Variants in DPP6 observed in about 807,000 individuals in gnomAD.
DPP6 encodes A-type potassium channel modulatory protein DPP6.
Under a neutral mutation model 122.6 loss-of-function variants are expected in DPP6, and 69 were observed. The observed-to-expected ratio is 0.56, with a 90% CI of 0.46 to 0.69. The LOEUF is 0.69. Among genes scored for constraint, DPP6 ranks in the 30% least tolerant of loss-of-function variants. The pLI, the probability that DPP6 is intolerant of heterozygous loss-of-function variation, is 0.00. For missense variants in DPP6, 928 were observed against 1,116.9 expected (o/e 0.83, Z 2.41); for synonymous variants, 418 against 433.1 (o/e 0.97, Z 0.43).
At chr7:154,308,628 G>A (rs1262930285) in intron 1 of DPP6, among the ~76,000 whole-genome samples, 1 of 152,176 alleles carries the variant, frequency 6.6e-6, no homozygotes, top group African/African-American at 2.4e-5. Context: ...GGGAAGCCTG[G>A]TGAGGGACCC....
chr7:154,206,860 A>G (rs1194801023), intron 1 of DPP6, among the ~76,000 whole-genome samples: 2 of 152,212 alleles, frequency 1.3e-5, no homozygotes, highest in South Asian at 2.1e-4. Flanking sequence ...ACCTGCATAC[A>G]TTATTTTTAA....
At chr7:154,778,655 A>G (rs559479565) in intron 10 of DPP6, among the ~76,000 whole-genome samples, 229 of 145,344 alleles carry the variant, frequency 1.6e-3, no homozygotes, top group African/African-American at 5.3e-3. Context: ...CACCACCACA[A>G]CCTCTACAAC....
At chr7:154,060,297 C>T (rs1353596935) in intron 1 of DPP6, among the ~76,000 whole-genome samples, 1 of 134,656 alleles carries the variant, frequency 7.4e-6, no homozygotes, top group Non-Finnish European at 1.6e-5. Context: ...AATCCCTCTT[C>T]CCCCCCTGGC....
At chr7:154,290,896 T>A (rs183364585) in intron 1 of DPP6, among the ~76,000 whole-genome samples, 46 of 152,288 alleles carry the variant, frequency 3.0e-4, no homozygotes, top group African/African-American at 9.9e-4. Context: ...CTGTCCCATA[T>A]GGATAGACCT....
chr7:154,535,455 G>A (rs1828168786), intron 3 of DPP6, among the ~76,000 whole-genome samples: 1 of 151,242 alleles, frequency 6.6e-6, no homozygotes, highest in African/African-American at 2.4e-5. Flanking sequence ...TTGTTACATA[G>A]GTATACACAT....
chr7:154,699,399 G>C (rs1264959506), intron 7 of DPP6, among the ~76,000 whole-genome samples: 1 of 152,218 alleles, frequency 6.6e-6, no homozygotes, highest in Non-Finnish European at 1.5e-5. Flanking sequence ...AAAAAGATTT[G>C]TGGAGTGAGA....
chr7:153,877,128 CAAAA>C, the DPP6 span, among the ~76,000 whole-genome samples: 1 of 151,146 alleles, frequency 6.6e-6, no homozygotes, highest in East Asian at 1.9e-4. Context: ...AAAACTAAAA[CAAAA>C]AAAACCCTTT....
intron 1 of DPP6, among the ~76,000 whole-genome samples, chr7:154,108,801 G>A (rs933575951): frequency 2.0e-5 from 3 of 152,174 alleles, no homozygotes; most frequent in Admixed American, 6.5e-5. Context: ...TGAAATATAC[G>A]TTACCACCAA....
intron 17 of DPP6, among the ~76,000 whole-genome samples, chr7:154,857,755 G>C (rs115487342): frequency 0.015 from 2,212 of 152,286 alleles, 56 homozygotes; most frequent in African/African-American, 0.051. Flanking sequence ...AGTGGATGAA[G>C]GGTCCACAGC....
chr7:154,005,360 G>A (rs1797868642), intron 1 of DPP6, among the ~76,000 whole-genome samples: 1 of 152,116 alleles, frequency 6.6e-6, no homozygotes, highest in Non-Finnish European at 1.5e-5. Flanking sequence ...AACTTTAGCA[G>A]GTTCCACTAG....
chr7:154,631,233 G>A (rs976360168), intron 5 of DPP6, among the ~76,000 whole-genome samples: 7 of 152,180 alleles, frequency 4.6e-5, no homozygotes. Context: ...CCTTCCATTC[G>A]GGTCTGCAGC....
At chr7:154,399,456 C>T (rs1440018056) in intron 1 of DPP6, among the ~76,000 whole-genome samples, 1 of 152,172 alleles carries the variant, frequency 6.6e-6, no homozygotes, top group Admixed American at 6.5e-5. Flanking sequence ...ATCTTACCTA[C>T]ACGGTTAACC....
intron 1 of DPP6, among the ~76,000 whole-genome samples, chr7:154,232,615 C>A (rs1204555318): frequency 2.6e-5 from 4 of 152,188 alleles, no homozygotes; most frequent in Non-Finnish European, 5.9e-5. Flanking sequence ...GGACACTGGG[C>A]AGCTCATCCC....
chr7:154,585,020 T>C (rs931561963), intron 5 of DPP6, among the ~76,000 whole-genome samples: 1 of 152,202 alleles, frequency 6.6e-6, no homozygotes, highest in Non-Finnish European at 1.5e-5. Context: ...AATTGGGATA[T>C]GGAACAGCCC....
At chr7:154,378,401 C>T (rs959417442) in intron 1 of DPP6, among the ~76,000 whole-genome samples, 7 of 152,354 alleles carry the variant, frequency 4.6e-5, no homozygotes, top group African/African-American at 1.7e-4. Flanking sequence ...ATTGTCTTAG[C>T]TTTGGCTGCT....
intron 1 of DPP6, among the ~76,000 whole-genome samples, chr7:154,406,726 C>T (rs1413873466): frequency 6.6e-6 from 1 of 152,212 alleles, no homozygotes; most frequent in Non-Finnish European, 1.5e-5. Flanking sequence ...TCTGAGGACC[C>T]ATTCCAGACT....
At chr7:154,660,379 G>C (rs1837562415) in intron 6 of DPP6, among the ~76,000 whole-genome samples, 1 of 150,226 alleles carries the variant, frequency 6.7e-6, no homozygotes, top group South Asian at 2.1e-4. Context: ...TATAGTCATG[G>C]TGAATCACCA....
chr7:154,207,848 G>C (rs111386382), intron 1 of DPP6, among the ~76,000 whole-genome samples: 13 of 152,058 alleles, frequency 8.5e-5, no homozygotes, highest in African/African-American at 2.9e-4. Context: ...CCAGCTACTC[G>C]AGAGGCTGAG....
At chr7:154,425,621 G>GGT (rs3056535) in intron 1 of DPP6, among the ~76,000 whole-genome samples, 10,155 of 121,352 alleles carry the variant, frequency 0.084, 370 homozygotes, top group African/African-American at 0.17. Flanking sequence ...TGTGTGTGTG[G>GGT]GTGTGTGTGT....
Sources: gnomAD v4.1 joint callset for allele counts (sites outside exome capture counted in the v4.1 genomes callset) on GRCh38, gnomAD v4.1.1 for gene constraint, MANE v1.5 for transcripts, NCBI Gene and HGNC (gene_info 2026-07-23, HGNC 2026-07-21) for gene names.